The following XPO4 variants were observed in gnomAD, a reference collection of about 807,000 sequenced individuals.
The protein encoded by XPO4 is exportin-4.
In XPO4, 39 loss-of-function variants were observed where a neutral mutation model predicts 143.0. That is an observed-to-expected ratio of 0.27 (90% CI 0.21 to 0.36). XPO4 has a LOEUF of 0.36. Ranked by LOEUF, XPO4 falls within the 10% of genes least tolerant of loss-of-function variation. The pLI is 1.00. For missense variants in XPO4, 907 were observed against 1,348.0 expected, an observed-to-expected ratio of 0.67 and a Z score of 5.12; for synonymous variants, 439 against 474.0, an observed-to-expected ratio of 0.93 and a Z score of 0.96.
intron 13 of XPO4, among the ~76,000 whole-genome samples, chr13:20,806,614 G>A (rs887053380): frequency 8.2e-6 from 1 of 121,720 alleles, no homozygotes; most frequent in African/African-American, 3.2e-5. Context: ...GTGCAGTGGT[G>A]CAATCTGAGC....
At chr13:20,789,112 G>A (rs74036444) in intron 19 of XPO4, among the ~76,000 whole-genome samples, 3,108 of 152,296 alleles carry the variant, frequency 0.02, 84 homozygotes, top group Middle Eastern at 0.075. Context: ...GTAAAAGTAA[G>A]TAATCTGGTT....
At chr13:20,874,850 G>A (rs866984038) in intron 1 of XPO4, among the ~76,000 whole-genome samples, 38 of 152,184 alleles carry the variant, frequency 2.5e-4, no homozygotes, top group African/African-American at 6.3e-4. Context: ...AAAATTAGCC[G>A]GGCATGATGG....
chr13:20,850,854 T>C (rs1320950524), intron 4 of XPO4: 1 of 985,284 alleles, frequency 1.0e-6, no homozygotes, highest in Non-Finnish European at 1.2e-6. Context: ...CCAATGAAGG[T>C]TGATGGAAAT....
At chr13:20,827,246 A>G in intron 6 of XPO4, 67 bp from the exon 7 acceptor site, 1 of 1,127,350 alleles carries the variant, frequency 8.9e-7, no homozygotes, top group Non-Finnish European at 1.3e-6. Context: ...TATATCCTAA[A>G]TATAACAGGA....
Position 20,822,194 on chromosome 13 carries a change from A to C in XPO4, c.936T>G (p.Asp312Glu), listed in dbSNP as rs1298201754. The change falls in exon 8 of 23, where the codon GAT becomes GAG. Residue 312 changes from aspartate (D) to glutamate (E), a missense_variant. Coordinates refer to ENST00000255305, the MANE Select transcript of XPO4 (RefSeq NM_022459.5). The part of the protein sequence containing the change: ...LASLHGPIFP[D>E]EGSQVDYLAH... ...CTAGATAATCAACTTGTGATCCTTC[A>C]TCTGGGAAGATGGGTCCATGAAGAG... The C allele has an allele frequency of 1.2e-6, 2 of 1,613,914 alleles. No homozygotes were observed. Among genetic ancestry groups the C allele is most frequent in the Non-Finnish European group, 1.7e-6 (2 of 1,179,912 alleles).
intron 6 of XPO4, among the ~76,000 whole-genome samples, chr13:20,834,853 T>C (rs527974523): frequency 2.5e-3 from 378 of 152,112 alleles, no homozygotes; most frequent in African/African-American, 8.3e-3. Flanking sequence ...TCTAGCTACT[T>C]GGGAGGCTGA....
At chr13:20,805,609 A>T (rs1283674742) in intron 13 of XPO4, among the ~76,000 whole-genome samples, 3 of 152,144 alleles carry the variant, frequency 2.0e-5, no homozygotes, top group African/African-American at 7.2e-5. Flanking sequence ...CACTCATCAC[A>T]CTAATGACAA....
intron 4 of XPO4, chr13:20,850,151 A>G: frequency 1.0e-6 from 1 of 985,142 alleles, no homozygotes; most frequent in Non-Finnish European, 1.2e-6. Flanking sequence ...TAGCATAAAC[A>G]TTTTCTTCTG....
chr13:20,869,517 A>G (rs2060274233), intron 1 of XPO4: 17 of 964,906 alleles, frequency 1.8e-5, no homozygotes, highest in Non-Finnish European at 2.0e-5. Context: ...AAACCATTGA[A>G]TAAAGAGGGC....
At chr13:20,793,395 G>A (rs1017589879) in intron 18 of XPO4, among the ~76,000 whole-genome samples, 9 of 151,796 alleles carry the variant, frequency 5.9e-5, no homozygotes, top group Admixed American at 1.3e-4. Flanking sequence ...TAATCTTTTC[G>A]CTGCTTTTAT....
chr13:20,827,352 G>A (rs1349102038), intron 6 of XPO4, among the ~76,000 whole-genome samples, 173 bp from the exon 7 acceptor site: 1 of 152,132 alleles, frequency 6.6e-6, no homozygotes, highest in African/African-American at 2.4e-5. Flanking sequence ...GGCATTAAGT[G>A]CCTGGGGAAA....
intron 2 of XPO4, 91 bp downstream of exon 2, chr13:20,868,505 T>C: frequency 6.8e-7 from 1 of 1,467,982 alleles, no homozygotes; most frequent in East Asian, 2.5e-5. Flanking sequence ...ACCAGGTTTT[T>C]AAAAAGGAAT....
intron 2 of XPO4, chr13:20,866,397 AG>A: frequency 1.0e-6 from 1 of 983,642 alleles, no homozygotes; most frequent in East Asian, 1.1e-4. Flanking sequence ...GAAGCATCAA[AG>A]AAAGTCTCCC....
At chr13:20,829,969 T>TA (rs1336408162) in intron 6 of XPO4, among the ~76,000 whole-genome samples, 14 of 152,250 alleles carry the variant, frequency 9.2e-5, no homozygotes, top group Admixed American at 8.5e-4. Context: ...GGATATCAAT[T>TA]ATTTACATTA....
At chr13:20,860,422 CGTAGG>C (rs1555340418) in intron 3 of XPO4, among the ~76,000 whole-genome samples, 1 of 152,118 alleles carries the variant, frequency 6.6e-6, no homozygotes, top group Non-Finnish European at 1.5e-5. Flanking sequence ...AAAATATTTT[CGTAGG>C]GTAAAGAAAA....
intron 18 of XPO4, among the ~76,000 whole-genome samples, chr13:20,792,560 C>A (rs974534350): frequency 4.6e-5 from 7 of 151,208 alleles, no homozygotes; most frequent in Non-Finnish European, 8.8e-5. Flanking sequence ...CAGAGCGAGA[C>A]GCTGTCTCAA....
At chr13:20,789,408 T>C (rs1029367060) in intron 19 of XPO4, among the ~76,000 whole-genome samples, 1 of 151,310 alleles carries the variant, frequency 6.6e-6, no homozygotes, top group African/African-American at 2.4e-5. Context: ...TTTTTTTTTT[T>C]TTTTGAGACA....
chr13:20,846,784 T>C (rs2060033454), intron 4 of XPO4, among the ~76,000 whole-genome samples: 1 of 152,188 alleles, frequency 6.6e-6, no homozygotes. Flanking sequence ...TAAATTTTTA[T>C]ATATCATTGA....
intron 1 of XPO4, among the ~76,000 whole-genome samples, chr13:20,882,647 G>C (rs2060423281): frequency 6.6e-6 from 1 of 152,110 alleles, no homozygotes; most frequent in Admixed American, 6.5e-5. Flanking sequence ...TAGCCCTTTG[G>C]GAGGCCGAGG....
Sources: gnomAD v4.1 joint callset for allele counts (sites outside exome capture counted in the v4.1 genomes callset) on GRCh38, gnomAD v4.1.1 for gene constraint, MANE v1.5 for transcripts, NCBI Gene and HGNC (gene_info 2026-07-23, HGNC 2026-07-21) for gene names.